The following UGT2B11 variants were observed in gnomAD, a reference collection of about 807,000 sequenced individuals.
UGT2B11 encodes the protein UDP glucuronosyltransferase family 2 member B11.
Under a neutral mutation model 51.7 loss-of-function variants are expected in UGT2B11, and 49 were observed. The observed-to-expected ratio is 0.95, with a 90% CI of 0.75 to 1.20. The LOEUF (loss-of-function observed/expected upper bound fraction) is 1.20, where lower values mean the gene tolerates loss of function less well. UGT2B11 is among the 50% of genes most tolerant of loss of function. The pLI, the probability that UGT2B11 is intolerant of heterozygous loss-of-function variation, is 0.00. For synonymous variants in UGT2B11, 273 were observed against 209.0 expected (o/e 1.31, Z -2.64); for missense variants, 810 against 622.1 (o/e 1.30, Z -3.21).
intron 1 of UGT2B11, among the ~76,000 whole-genome samples, chr4:69,213,718 A>G (rs1722158505): frequency 6.6e-6 from 1 of 151,926 alleles, no homozygotes; most frequent in Admixed American, 6.6e-5. Context: ...AAAACATTAT[A>G]TAGTAAAACA....
At chr4:69,208,009 T>A (rs1717245780) in intron 3 of UGT2B11, among the ~76,000 whole-genome samples, 1 of 151,630 alleles carries the variant, frequency 6.6e-6, no homozygotes, top group Admixed American at 6.6e-5. Context: ...TGAAATATAT[T>A]CAGTTAATTT....
chr4:69,209,117 T>G (rs4619960), intron 2 of UGT2B11, among the ~76,000 whole-genome samples: 4,982 of 151,800 alleles, frequency 0.033, 168 homozygotes, highest in East Asian at 0.16. Context: ...ATCACTGACA[T>G]TCCTGAGTCT....
intron 3 of UGT2B11, among the ~76,000 whole-genome samples, chr4:69,207,514 T>G (rs888976798): frequency 1.3e-5 from 2 of 151,604 alleles, no homozygotes; most frequent in African/African-American, 4.8e-5. Flanking sequence ...CCCCTGCCTC[T>G]CTTCCTTCTG....
intron 5 of UGT2B11, among the ~76,000 whole-genome samples, chr4:69,202,647 A>T (rs1050465214): frequency 1.3e-5 from 2 of 151,634 alleles, no homozygotes; most frequent in African/African-American, 4.8e-5. Context: ...TCCATTTGTT[A>T]ATTGTGTTCT....
At chr4:69,219,536 C>T (rs1270846424), upstream of UGT2B11, among the ~76,000 whole-genome samples, 1 of 152,018 alleles carries the variant, frequency 6.6e-6, no homozygotes, top group Non-Finnish European at 1.5e-5. Flanking sequence ...TAAAGACATA[C>T]CCGAGACTGG....
upstream of UGT2B11, among the ~76,000 whole-genome samples, chr4:69,217,670 T>C (rs1722308442): frequency 6.6e-6 from 1 of 152,102 alleles, no homozygotes; most frequent in Admixed American, 6.6e-5. Context: ...CTCATTTCAA[T>C]GTGGACCAAC....
chr4:69,212,813 T>G, intron 1 of UGT2B11, 92 bp from the exon 2 acceptor site: 1 of 1,416,320 alleles, frequency 7.1e-7, no homozygotes, highest in Non-Finnish European at 9.3e-7. Flanking sequence ...TAAGCAAAGA[T>G]GTAGGTAAAG....
upstream of UGT2B11, chr4:69,216,317 C>G (rs1208159125): frequency 6.6e-6 from 1 of 152,046 alleles, no homozygotes; most frequent in Non-Finnish European, 1.5e-5. Flanking sequence ...ATCTTTGAAT[C>G]ATATGCCAAC....
At chr4:69,222,908 G>A in the UGT2B11 span, among the ~76,000 whole-genome samples, 12 of 152,264 alleles carry the variant, frequency 7.9e-5, no homozygotes, top group Admixed American at 7.8e-4. Flanking sequence ...ACTTCAGTGG[G>A]GCTGGATGGA....
At chr4:69,206,263 G>C (rs563090438) in intron 3 of UGT2B11, among the ~76,000 whole-genome samples, 3 of 151,068 alleles carry the variant, frequency 2.0e-5, no homozygotes, top group Non-Finnish European at 4.4e-5. Flanking sequence ...AGAAAATATG[G>C]CATATATACA....
At chr4:69,219,791 A>C in the UGT2B11 span, among the ~76,000 whole-genome samples, 1 of 152,172 alleles carries the variant, frequency 6.6e-6, no homozygotes, top group Non-Finnish European at 1.5e-5. Context: ...AGTTCCTCCC[A>C]CAACAGCTGG....
chr4:69,202,829 G>C (rs1721707931), intron 5 of UGT2B11, among the ~76,000 whole-genome samples: 1 of 151,460 alleles, frequency 6.6e-6, no homozygotes. Context: ...CTTCTTTAAA[G>C]GTACATTGAT....
intron 2 of UGT2B11, among the ~76,000 whole-genome samples, chr4:69,211,560 C>T (rs1356482124): frequency 6.6e-6 from 1 of 151,538 alleles, no homozygotes; most frequent in Non-Finnish European, 1.5e-5. Flanking sequence ...AATAACATTT[C>T]TGAGTCACTG....
chr4:69,221,669 G>A, the UGT2B11 span, among the ~76,000 whole-genome samples: 9 of 152,344 alleles, frequency 5.9e-5, no homozygotes, highest in Admixed American at 2.0e-4. Flanking sequence ...GAAATACCTG[G>A]TTACAGGCTG....
chr4:69,212,572 C>T lies in UGT2B11; in HGVS notation c.870+1G>A, dbSNP rs768110154. On this transcript the variant is annotated splice_donor_variant, in intron 2 of 5. Transcript: ENST00000446444. LOFTEE classifies it high-confidence loss of function. Reference sequence around the variant, plus strand: ...AATAAAACCAACAAAAGTATGTTTACCTTAGGTAGGGGTTTGGCAGGTTTG... The same window carrying T: ...AATAAAACCAACAAAAGTATGTTTATCTTAGGTAGGGGTTTGGCAGGTTTG... 17 of 1,605,238 alleles carry T rather than the reference C, an allele frequency of 1.1e-5. No homozygotes were observed. The East Asian group carries it at 3.8e-4, about 36-fold the overall frequency.
At chr4:69,218,829 C>A (rs1232287759), upstream of UGT2B11, among the ~76,000 whole-genome samples, 3 of 152,116 alleles carry the variant, frequency 2.0e-5, no homozygotes, top group African/African-American at 4.8e-5. Context: ...TGTAAAGGAC[C>A]TATTCACAAA....
In UGT2B11 at chr4:69,206,988, A is replaced by T. The variant is rs1455296955; in HGVS notation, c.1002+1363T>A. On this transcript the variant is annotated intron_variant, in intron 3 of 5. Transcript: ENST00000446444. ...TATAACTTCATTGGAATTACAAATT[A>T]TCAAGCACTATTTCCCAGAAAAATT... 1.3e-4 allele frequency among the ~76,000 whole-genome samples: 19 copies of T among 151,688 alleles called. No individual in the cohort carries two copies. In the Admixed American group the frequency reaches 1.3e-3, roughly 10 times the overall value.
chr4:69,205,678 T>G (rs1488940661), intron 3 of UGT2B11, 111 bp from the exon 4 acceptor site: 2 of 1,195,708 alleles, frequency 1.7e-6, no homozygotes, highest in Non-Finnish European at 2.3e-6. Context: ...TAAATAAATC[T>G]ACTCAAAGAT....
the UGT2B11 span, among the ~76,000 whole-genome samples, chr4:69,221,011 C>T: frequency 6.6e-6 from 1 of 152,156 alleles, no homozygotes; most frequent in African/African-American, 2.4e-5. Flanking sequence ...CCAAGCCTGC[C>T]TAGTATTCTG....
Sources: gnomAD v4.1 joint callset for allele counts (sites outside exome capture counted in the v4.1 genomes callset) on GRCh38, gnomAD v4.1.1 for gene constraint, MANE v1.5 for transcripts, NCBI Gene and HGNC (gene_info 2026-07-23, HGNC 2026-07-21) for gene names.